KCNIP4: variants seen among roughly 807,000 people sequenced by gnomAD.
KCNIP4 encodes the protein Kv channel-interacting protein 4.
KCNIP4 carries 12 observed loss-of-function variants against 34.0 expected under a neutral mutation model. The observed-to-expected ratio is 0.35, with a 90% CI of 0.23 to 0.57. The LOEUF is 0.57. Ranked by LOEUF, KCNIP4 falls within the 20% of genes least tolerant of loss-of-function variation. The pLI is 0.83. For synonymous variants in KCNIP4, 124 were observed against 102.2 expected (o/e 1.21, Z -1.29); for missense variants, 238 against 311.7 (o/e 0.76, Z 1.78).
intron 1 of KCNIP4, among the ~76,000 whole-genome samples, chr4:21,798,512 GA>G (rs3052679): frequency 0.069 from 7,011 of 101,766 alleles, 157 homozygotes; most frequent in Middle Eastern, 0.098. Context: ...AAGACCCTGG[GA>G]AAAAAAAAAA....
At chr4:21,668,638 T>C (rs1283451982) in intron 1 of KCNIP4, among the ~76,000 whole-genome samples, 1 of 152,178 alleles carries the variant, frequency 6.6e-6, no homozygotes, top group African/African-American at 2.4e-5. Context: ...ATGCAATATA[T>C]ACAATTCTAA....
intron 1 of KCNIP4, among the ~76,000 whole-genome samples, chr4:21,407,727 C>T (rs1724116459): frequency 6.6e-6 from 1 of 152,168 alleles, no homozygotes; most frequent in Non-Finnish European, 1.5e-5. Context: ...TATACATTCC[C>T]TCATTTCCAT....
At chr4:21,896,695 G>A (rs1269635896) in intron 1 of KCNIP4, among the ~76,000 whole-genome samples, 1 of 152,110 alleles carries the variant, frequency 6.6e-6, no homozygotes, top group Non-Finnish European at 1.5e-5. Context: ...GAGGCAGGCA[G>A]ATCATTTGAG....
intron 1 of KCNIP4, among the ~76,000 whole-genome samples, chr4:21,920,479 G>A (rs896823988): frequency 2.6e-5 from 4 of 152,020 alleles, no homozygotes; most frequent in Admixed American, 1.3e-4. Flanking sequence ...TTGTTTGGGA[G>A]GTGGGTGAGG....
At chr4:21,238,995 C>A (rs1759587610) in intron 1 of KCNIP4, among the ~76,000 whole-genome samples, 1 of 152,014 alleles carries the variant, frequency 6.6e-6, no homozygotes, top group East Asian at 1.9e-4. Context: ...CTACAGTAAC[C>A]AAAACAGCAT....
At chr4:20,846,794 A>T (rs553482138) in intron 3 of KCNIP4, among the ~76,000 whole-genome samples, 1 of 152,160 alleles carries the variant, frequency 6.6e-6, no homozygotes, top group African/African-American at 2.4e-5. Context: ...AGCACCTTGT[A>T]TATGTTATAT....
intron 1 of KCNIP4, among the ~76,000 whole-genome samples, chr4:21,493,984 T>G (rs1024507775): frequency 6.6e-6 from 1 of 152,230 alleles, no homozygotes; most frequent in African/African-American, 2.4e-5. Context: ...AAATATTTAT[T>G]ATGAGCTCTG....
Position 21,036,720 on chromosome 4 carries a change from G to A in KCNIP4, c.62-154011C>T, listed in dbSNP as rs945219131. Among the ~76,000 whole-genome samples the A allele has an allele frequency of 1.3e-4, 20 of 152,270 alleles. 1 individual carries two copies. Among genetic ancestry groups the A allele is most frequent in the Admixed American group, 1.2e-3 (18 of 15,306 alleles). On this transcript the variant is annotated intron_variant, in intron 1 of 8. Coordinates refer to ENST00000382152, the MANE Select transcript of KCNIP4 (RefSeq NM_025221.6). The stretch of plus-strand genomic sequence containing the variant: ...CAGCCTGGGGACAGAGCGAGACTCC[G>A]TCTCAAAAAACAAACAAACAAACAA...
intron 1 of KCNIP4, among the ~76,000 whole-genome samples, chr4:21,701,802 C>G (rs550003990): frequency 6.6e-5 from 10 of 152,108 alleles, no homozygotes; most frequent in Admixed American, 1.3e-4. Flanking sequence ...CTCCTGGGTT[C>G]AAGTGATTCT....
At chr4:21,138,361 T>C (rs923289553) in intron 1 of KCNIP4, among the ~76,000 whole-genome samples, 6 of 152,196 alleles carry the variant, frequency 3.9e-5, no homozygotes, top group African/African-American at 1.4e-4. Context: ...TATATTCTTA[T>C]ATATTTTCAA....
intron 1 of KCNIP4, among the ~76,000 whole-genome samples, chr4:21,023,016 T>A (rs1269646484): frequency 6.6e-6 from 1 of 152,028 alleles, no homozygotes; most frequent in East Asian, 1.9e-4. Context: ...AGAGACAGGG[T>A]TTCACCATGT....
chr4:21,726,166 A>T (rs1715176294), intron 1 of KCNIP4, among the ~76,000 whole-genome samples: 1 of 152,172 alleles, frequency 6.6e-6, no homozygotes, highest in African/African-American at 2.4e-5. Context: ...CAACTGGGAC[A>T]TCAGTGTACT....
In KCNIP4 at chr4:21,362,858, C is replaced by T. The variant is rs557568385; in HGVS notation, c.62-480149G>A. Among the ~76,000 whole-genome samples, 24 of 152,100 alleles carry T rather than the reference C, an allele frequency of 1.6e-4. 1 individual carries two copies. The highest frequency in any genetic ancestry group is 2.9e-4 in the Non-Finnish European group (20 of 67,998). ...CGTTTATATGCATCCTTCCTGTCTA[C>T]AGAACACAACTCAGGGAGCAAATAG... On this transcript the variant is annotated intron_variant, in intron 1 of 8. Coordinates refer to ENST00000382152, the MANE Select transcript of KCNIP4 (RefSeq NM_025221.6).
At chr4:21,489,903 AT>A (rs1297578449) in intron 1 of KCNIP4, among the ~76,000 whole-genome samples, 2 of 152,084 alleles carry the variant, frequency 1.3e-5, no homozygotes, top group African/African-American at 4.8e-5. Flanking sequence ...AAAGTTCTTG[AT>A]TTGAAGAAAA....
At chr4:21,085,697 C>T (rs1197005395) in intron 1 of KCNIP4, among the ~76,000 whole-genome samples, 1 of 152,122 alleles carries the variant, frequency 6.6e-6, no homozygotes, top group African/African-American at 2.4e-5. Context: ...TTACTAAAGA[C>T]ATAATCTCAG....
At chr4:21,646,777 A>G (rs899431903) in intron 1 of KCNIP4, among the ~76,000 whole-genome samples, 3 of 152,186 alleles carry the variant, frequency 2.0e-5, no homozygotes, top group Non-Finnish European at 4.4e-5. Context: ...CACTGATTAT[A>G]TCTATGGCAA....
Position 20,793,935 on chromosome 4 carries a change from C to A in KCNIP4, c.289-35045G>T, listed in dbSNP as rs567385840. Among the ~76,000 whole-genome samples, 3 of 152,010 alleles carry A rather than the reference C, an allele frequency of 2.0e-5. No homozygotes were observed. The South Asian group carries it at 6.3e-4, about 32-fold the overall frequency. On this transcript the variant is annotated intron_variant, in intron 3 of 8. Transcript: ENST00000382152. The stretch of plus-strand genomic sequence containing the variant: ...AATTCCCATGTGTTGTGGGAGGGAC[C>A]CAGTGGGAGGTAATTGAGTCATGGG...
chr4:21,508,682 C>G (rs575338637), intron 1 of KCNIP4, among the ~76,000 whole-genome samples: 3 of 152,166 alleles, frequency 2.0e-5, no homozygotes, highest in East Asian at 1.9e-4. Context: ...TTGCAAGGAA[C>G]AGATAGGTCT....
rs1046501302 is a variant in KCNIP4, at chr4:21,501,678, T to A, written c.61+446893A>T. Among the ~76,000 whole-genome samples the A allele has an allele frequency of 4.8e-5, 3 of 62,956 alleles. 1 individual carries two copies. In the South Asian group the frequency reaches 1.4e-3, roughly 30 times the overall value. 41.3% of individuals were successfully genotyped at this position (62,956 alleles called of 152,430 possible). ...ACTCCTCAAATTCACATTTTGGGAA[T>A]GCAGAAGCCTTGTGTGTGTGTGTGT... On this transcript the variant is annotated intron_variant, in intron 1 of 8. Coordinates refer to ENST00000382152, the MANE Select transcript of KCNIP4 (RefSeq NM_025221.6).
Sources: gnomAD v4.1 joint callset for allele counts (sites outside exome capture counted in the v4.1 genomes callset) on GRCh38, gnomAD v4.1.1 for gene constraint, MANE v1.5 for transcripts, NCBI Gene and HGNC (gene_info 2026-07-23, HGNC 2026-07-21) for gene names.